SHISA9: variants seen among roughly 807,000 people sequenced by gnomAD.
SHISA9 encodes the protein shisa family member 9.
A neutral mutation model predicts 38.0 loss-of-function variants in SHISA9; 13 were observed. The ratio of observed to expected loss-of-function variants is 0.34; its 90% CI spans 0.22 to 0.54. The LOEUF (loss-of-function observed/expected upper bound fraction) is 0.54. Ranked by LOEUF, SHISA9 falls within the 20% of genes least tolerant of loss-of-function variation. SHISA9 has a pLI of 0.91. For synonymous variants in SHISA9, 275 were observed against 242.0 expected, an observed-to-expected ratio of 1.14 and a Z score of -1.27; for missense variants, 538 against 575.8, an observed-to-expected ratio of 0.93 and a Z score of 0.67.
At chr16:13,516,169 G>C in the SHISA9 span, among the ~76,000 whole-genome samples, 1 of 152,188 alleles carries the variant, frequency 6.6e-6, no homozygotes, top group Non-Finnish European at 1.5e-5. Flanking sequence ...AAACCACAGA[G>C]CTAATGGAGG....
intron 2 of SHISA9, among the ~76,000 whole-genome samples, chr16:12,992,167 G>A (rs2072395304): frequency 6.6e-6 from 1 of 152,076 alleles, no homozygotes; most frequent in African/African-American, 2.4e-5. Context: ...TGATAAGTTT[G>A]AGAAATAGCA....
intron 2 of SHISA9, among the ~76,000 whole-genome samples, chr16:13,111,958 A>G (rs1299304213): frequency 6.6e-6 from 1 of 152,146 alleles, no homozygotes; most frequent in African/African-American, 2.4e-5. Context: ...AGGTTAGGAA[A>G]CTTGCCTAAA....
chr16:13,253,810 C>T, the SHISA9 span, among the ~76,000 whole-genome samples: 5 of 152,126 alleles, frequency 3.3e-5, no homozygotes, highest in East Asian at 1.9e-4. Context: ...TATTATGAAA[C>T]GTCCCCATAA....
chr16:12,969,143 C>G (rs1035621128), intron 2 of SHISA9, among the ~76,000 whole-genome samples: 4 of 140,832 alleles, frequency 2.8e-5, no homozygotes, highest in Admixed American at 2.2e-4. Context: ...GGTGACAGAG[C>G]AAGACTCCAT....
chr16:13,447,682 A>C, the SHISA9 span, among the ~76,000 whole-genome samples: 1 of 152,164 alleles, frequency 6.6e-6, no homozygotes, highest in Non-Finnish European at 1.5e-5. Flanking sequence ...TGGAATAAAC[A>C]CAGAGGAACC....
intron 2 of SHISA9, among the ~76,000 whole-genome samples, chr16:13,083,435 A>G (rs1180446925): frequency 6.6e-6 from 1 of 152,166 alleles, no homozygotes; most frequent in East Asian, 1.9e-4. Context: ...AGAGTTTGAG[A>G]TGGGGATTCT....
intron 2 of SHISA9, among the ~76,000 whole-genome samples, chr16:12,926,454 A>G (rs1179137433): frequency 6.6e-6 from 1 of 152,212 alleles, no homozygotes; most frequent in African/African-American, 2.4e-5. Context: ...CATTCCGCTG[A>G]TATTTATTAA....
rs567733198 is a variant in SHISA9 at position 13,147,494 on chromosome 16, C to T, written c.692-55900C>T. ...TTTTTTTTTTTTTTTTTTCCAGTCT[C>T]GCTCTGTCACCCAGGCTGGAGTGCA... On this transcript the variant is annotated intron_variant, in intron 2 of 4. Coordinates refer to ENST00000558583, the MANE Select transcript of SHISA9 (RefSeq NM_001145204.3). 1.6e-4 allele frequency among the ~76,000 whole-genome samples: 20 copies of T among 127,884 alleles called. No homozygotes were observed. The South Asian group carries it at 4.1e-3, about 26-fold the overall frequency. 83.9% of individuals were successfully genotyped at this position (127,884 alleles called of 152,430 possible).
downstream of SHISA9, among the ~76,000 whole-genome samples, chr16:13,243,821 G>A (rs190697872): frequency 1.3e-3 from 171 of 131,452 alleles, 1 homozygote; most frequent in Non-Finnish European, 2.0e-3. Flanking sequence ...TCACCAGGCT[G>A]CAGTGCAGTG....
the SHISA9 span, among the ~76,000 whole-genome samples, chr16:13,469,373 G>GAA: frequency 1.2e-5 from 1 of 83,610 alleles, no homozygotes; most frequent in African/African-American, 4.2e-5. Context: ...GAAAAAGAAA[G>GAA]AAAGAAAGAA....
chr16:13,339,641 A>T, the SHISA9 span, among the ~76,000 whole-genome samples: 1 of 152,092 alleles, frequency 6.6e-6, no homozygotes, highest in African/African-American at 2.4e-5. Flanking sequence ...TTTGAGAAAG[A>T]GGTGTGGAGA....
At chr16:13,535,107 A>G in the SHISA9 span, among the ~76,000 whole-genome samples, 31 of 152,178 alleles carry the variant, frequency 2.0e-4, 1 homozygote, top group Admixed American at 2.0e-3. Flanking sequence ...TTAGCTCAAT[A>G]TGGTGCTGTG....
Position 13,045,469 on chromosome 16 carries a change from T to C in SHISA9, c.691+128654T>C, listed in dbSNP as rs1363176253. 2.0e-5 allele frequency among the ~76,000 whole-genome samples: 3 copies of C among 152,318 alleles called. No individual in the cohort carries two copies. The East Asian group carries it at 5.8e-4, about 29-fold the overall frequency. On this transcript the variant is annotated intron_variant, in intron 2 of 4. Transcript: ENST00000558583. ...TGGCTAAGTAGTACAGATAGGTTCA[T>C]GAGTAATGCAAGATTATTCACTCAA...
intron 2 of SHISA9, among the ~76,000 whole-genome samples, chr16:13,030,913 G>C (rs186006691): frequency 2.0e-5 from 3 of 152,316 alleles, no homozygotes; most frequent in Admixed American, 1.3e-4. Context: ...TATTGGTTGA[G>C]TGATTGATTA....
At chr16:12,908,028 C>T (rs1264962462) in intron 1 of SHISA9, among the ~76,000 whole-genome samples, 1 of 152,182 alleles carries the variant, frequency 6.6e-6, no homozygotes, top group Non-Finnish European at 1.5e-5. Context: ...AGCTGTGTGA[C>T]CTTGGGAAGG....
chr16:12,927,727 T>C (rs2141736828), intron 2 of SHISA9, among the ~76,000 whole-genome samples: 1 of 152,162 alleles, frequency 6.6e-6, no homozygotes, highest in South Asian at 2.1e-4. Context: ...CTTATGTAGA[T>C]CCAAATCTTT....
chr16:12,929,739 C>T (rs528733939), intron 2 of SHISA9, among the ~76,000 whole-genome samples: 8 of 151,782 alleles, frequency 5.3e-5, no homozygotes, highest in Non-Finnish European at 7.4e-5. Flanking sequence ...CCACTGCACA[C>T]GTTTATATAT....
At chr16:13,471,629 G>A in the SHISA9 span, among the ~76,000 whole-genome samples, 1 of 152,122 alleles carries the variant, frequency 6.6e-6, no homozygotes, top group Non-Finnish European at 1.5e-5. Context: ...TCAGATCCCT[G>A]AGCAAACATG....
chr16:13,236,112 C>T lies in SHISA9; in HGVS notation c.*703C>T, dbSNP rs1275799339. 6.6e-6 allele frequency: 1 copy of T among 151,990 alleles called. No homozygotes were observed. Among genetic ancestry groups the T allele is most frequent in the Admixed American group, 6.6e-5 (1 of 15,252 alleles). 9.4% of individuals were successfully genotyped at this position (151,990 alleles called of 1,614,324 possible). On this transcript the variant is annotated 3_prime_UTR_variant, in exon 5 of 5. Coordinates refer to ENST00000558583, the MANE Select transcript of SHISA9 (RefSeq NM_001145204.3). ...ACAGAAAGTAAATAGACCCTGAACC[C>T]ACCGACAATGATGGGAAGGAAAAAA...
Sources: allele counts gnomAD v4.1 joint callset (sites outside exome capture counted in the v4.1 genomes callset), GRCh38; gene constraint gnomAD v4.1.1; transcripts MANE v1.5; gene names NCBI Gene and HGNC (gene_info 2026-07-23, HGNC 2026-07-21).